The following SPIN3 variants were observed in gnomAD, a reference collection of about 807,000 sequenced individuals.
SPIN3 encodes the protein spindlin family member 3.
For missense variants in SPIN3, 176 were observed against 196.4 expected, an observed-to-expected ratio of 0.90 and a Z score of 0.62; for synonymous variants, 74 against 74.3, an observed-to-expected ratio of 1.00 and a Z score of 0.02.
chrX:56,975,504 T>C (rs1175353375), downstream of SPIN3: 1 of 110,688 alleles, frequency 9.0e-6, no homozygotes, highest in Non-Finnish European at 1.9e-5. Flanking sequence ...ATATTTAAGG[T>C]CTGTGTTTAT....
intron 3 of SPIN3, chrX:56,979,969 C>T (rs892889137): frequency 9.0e-6 from 1 of 111,655 alleles, no homozygotes. Flanking sequence ...TTAAAATTGC[C>T]CCTTCACGAT....
intron 3 of SPIN3, among the ~76,000 whole-genome samples, chrX:56,983,829 T>C (rs1305537307): frequency 8.9e-6 from 1 of 112,611 alleles, no homozygotes; most frequent in Non-Finnish European, 1.9e-5. Flanking sequence ...CATAACTAAA[T>C]GCTGGTAAGA....
chrX:56,985,640 G>A (rs746160935), intron 2 of SPIN3, among the ~76,000 whole-genome samples: 18 of 112,247 alleles, frequency 1.6e-4, no homozygotes, highest in Non-Finnish European at 3.2e-4. Flanking sequence ...GATTAACTTT[G>A]TTTCTGGGTC....
At chrX:56,990,010 T>A (rs1924297031), downstream of SPIN3, among the ~76,000 whole-genome samples, 1 of 109,260 alleles carries the variant, frequency 9.2e-6, no homozygotes, top group African/African-American at 3.3e-5. Context: ...ATGAAACCAG[T>A]TCCTGGTGCC....
chrX:56,992,741 C>T lies in SPIN3; in HGVS notation c.*1430G>A. On this transcript the variant is annotated 3_prime_UTR_variant, in exon 2 of 2. Transcript: ENST00000374919. ...AGAAAGCTTTGGTTTTGGCCAGGTG[C>T]TTCTCTCAAAAACCATGCTTGTACT... The T allele has an allele frequency of 7.0e-6, 2 of 285,647 alleles. No homozygotes were observed. Among genetic ancestry groups the T allele is most frequent in the East Asian group, 4.9e-5 (1 of 20,209 alleles). The allele number at this position is 285,647 out of a possible 1,213,427, so 23.5% of individuals were successfully genotyped here.
At chrX:56,978,683 G>A (rs1485385320) in intron 3 of SPIN3, 1 of 111,321 alleles carries the variant, frequency 9.0e-6, no homozygotes, top group Non-Finnish European at 1.9e-5. Context: ...ATTGCCCAGG[G>A]TTTAGCACCA....
In SPIN3 at chrX:56,992,873, C is replaced by T. The variant is rs994477985; in HGVS notation, c.*1298G>A. 5.6e-6 allele frequency: 1 copy of T among 179,892 alleles called. No individual in the cohort carries two copies. The allele number at this position is 179,892 out of a possible 1,213,427, so 14.8% of individuals were successfully genotyped here. A position where few individuals can be genotyped will look rare whatever the true frequency, so the allele number is the denominator to read the frequency against. On this transcript the variant is annotated 3_prime_UTR_variant, in exon 2 of 2. Coordinates refer to ENST00000374919, the MANE Select transcript of SPIN3 (RefSeq NM_001010862.3). ...TACTTTTCTGCCACAGTAGAACTCA[C>T]CCTTATCTGCATATAAGTTTCTTAG...
chrX:56,975,661 G>A (rs1052277113), downstream of SPIN3: 3 of 110,928 alleles, frequency 2.7e-5, no homozygotes, highest in Non-Finnish European at 5.7e-5. Flanking sequence ...ATTTTATTTT[G>A]GGTTTACAGT....
At chrX:56,987,012 T>C (rs1924235252), downstream of SPIN3, among the ~76,000 whole-genome samples, 2 of 111,549 alleles carry the variant, frequency 1.8e-5, no homozygotes, top group African/African-American at 6.5e-5. Context: ...ATGCCTTTAA[T>C]CCCAGCTACT....
chrX:56,979,638 C>G (rs976742057), intron 3 of SPIN3: 3 of 111,884 alleles, frequency 2.7e-5, no homozygotes, highest in African/African-American at 9.8e-5. Flanking sequence ...AGGCACAGTG[C>G]TAGTTTTTCG....
chrX:56,994,099 T>C lies in SPIN3; in HGVS notation c.*72A>G. 1 of 1,037,604 alleles carries C rather than the reference T, an allele frequency of 9.6e-7. No homozygotes were observed. The highest frequency in any genetic ancestry group is 1.3e-6 in the Non-Finnish European group (1 of 780,925). The allele number at this position is 1,037,604 out of a possible 1,213,427, so 85.5% of individuals were successfully genotyped here. On this transcript the variant is annotated 3_prime_UTR_variant, in exon 2 of 2. Coordinates refer to ENST00000374919, the MANE Select transcript of SPIN3 (RefSeq NM_001010862.3). ...AAGGGAGAAGATGGTTCTTACAAACTGGAAAGCAATCAAGACTTTCTGTGT... is the reference window on the plus strand; with the variant it reads ...AAGGGAGAAGATGGTTCTTACAAACCGGAAAGCAATCAAGACTTTCTGTGT...
Position 56,994,009 on chromosome X carries a change from G to T in SPIN3, c.*162C>A. 1 of 475,443 alleles carries T rather than the reference G, an allele frequency of 2.1e-6. No homozygotes were observed. 39.2% of individuals were successfully genotyped at this position (475,443 alleles called of 1,213,427 possible). A position where few individuals can be genotyped will look rare whatever the true frequency, so the allele number is the denominator to read the frequency against. ...GAAAAGGTTGGACAGATGGGCAAAA[G>T]GTTTCTTCCAAAAACGTATGAGAGG... On this transcript the variant is annotated 3_prime_UTR_variant, in exon 2 of 2. Transcript: ENST00000374919.
At chrX:56,981,372 AAAAAAG>A (rs1924117051) in intron 3 of SPIN3, 1 of 110,061 alleles carries the variant, frequency 9.1e-6, no homozygotes, top group Admixed American at 9.7e-5. Flanking sequence ...AAAAAAAAAA[AAAAAAG>A]AAAAAGAAAA....
downstream of SPIN3, among the ~76,000 whole-genome samples, chrX:56,987,230 T>C (rs1375093474): frequency 8.9e-6 from 1 of 112,000 alleles, no homozygotes; most frequent in African/African-American, 3.2e-5. Flanking sequence ...TGCAGAACAG[T>C]AGAGAAGAAT....
chrX:56,979,861 AC>A (rs1924078539), intron 3 of SPIN3: 1 of 112,249 alleles, frequency 8.9e-6, no homozygotes, highest in South Asian at 3.7e-4. Flanking sequence ...GATTCTCTGG[AC>A]TTGGTCCTAA....
intron 3 of SPIN3, chrX:56,979,584 G>A (rs1924073756): frequency 8.9e-6 from 1 of 111,995 alleles, no homozygotes. Flanking sequence ...GAATTAAACT[G>A]TAAACACATA....
Position 56,992,435 on chromosome X carries a change from G to A in SPIN3, c.*1736C>T, listed in dbSNP as rs1377768900. 4 of 295,563 alleles carry A rather than the reference G, an allele frequency of 1.4e-5. No individual in the cohort carries two copies. Among genetic ancestry groups the A allele is most frequent in the African/African-American group, 8.3e-5 (3 of 36,349 alleles). The allele number at this position is 295,563 out of a possible 1,213,427, so 24.4% of individuals were successfully genotyped here. A position where few individuals can be genotyped will look rare whatever the true frequency, so the allele number is the denominator to read the frequency against. ...ATACAGACCCACATTGCTGTTGTCA[G>A]TCAAACATCATAGTAGAGACTTAGT... is the stretch of plus-strand genomic sequence containing the variant. On this transcript the variant is annotated 3_prime_UTR_variant, in exon 2 of 2. Coordinates refer to ENST00000374919, the MANE Select transcript of SPIN3 (RefSeq NM_001010862.3).
chrX:56,983,569 A>G (rs1287290652), intron 3 of SPIN3, among the ~76,000 whole-genome samples: 1 of 112,791 alleles, frequency 8.9e-6, no homozygotes, highest in South Asian at 3.6e-4. Flanking sequence ...GGTGAATCTG[A>G]TAGTGTGTGT....
At chrX:56,984,929 T>C (rs922002039) in intron 2 of SPIN3, among the ~76,000 whole-genome samples, 11 of 111,457 alleles carry the variant, frequency 9.9e-5, no homozygotes, top group Admixed American at 2.9e-4. Context: ...TAGCCTCTCC[T>C]CTTCCTAGCA....
Sources: allele counts gnomAD v4.1 joint callset (sites outside exome capture counted in the v4.1 genomes callset), GRCh38; gene constraint gnomAD v4.1.1; transcripts MANE v1.5; gene names NCBI Gene and HGNC (gene_info 2026-07-23, HGNC 2026-07-21).